The following RARB variants were observed in gnomAD, a reference collection of about 807,000 sequenced individuals.
RARB encodes the protein retinoic acid receptor beta, also known as HBV-activated protein.
In RARB, 17 loss-of-function variants were observed where a neutral mutation model predicts 51.9. That is an observed-to-expected ratio of 0.33 (90% confidence interval 0.22 to 0.49). The LOEUF (loss-of-function observed/expected upper bound fraction) is 0.49. RARB is among the 20% of genes least tolerant of loss of function. RARB has a pLI of 0.99. For synonymous variants in RARB, 215 were observed against 195.4 expected (o/e 1.10, Z -0.84); for missense variants, 369 against 550.8 (o/e 0.67, Z 3.30).
chr3:24,899,259 C>T (rs572983965), intron 2 of RARB, among the ~76,000 whole-genome samples: 28 of 152,232 alleles, frequency 1.8e-4, no homozygotes, highest in African/African-American at 6.7e-4. Context: ...ACAGATCACA[C>T]GTACATGAAG....
chr3:25,151,292 C>CTTTG (rs151282179), intron 4 of RARB, among the ~76,000 whole-genome samples: 5,300 of 152,282 alleles, frequency 0.035, 302 homozygotes, highest in African/African-American at 0.12. Context: ...TGCTGACTTT[C>CTTTG]TTTGCATTTC....
chr3:25,083,104 G>A lies in RARB; in HGVS notation c.-328+22928G>A, dbSNP rs544918937. Among the ~76,000 whole-genome samples, 15 of 149,174 alleles carry A rather than the reference G, an allele frequency of 1.0e-4. No homozygotes were observed. In the South Asian group the frequency reaches 2.3e-3, roughly 23 times the overall value. ...CTGCTTTTAGACTTTTTATCTTTTA[G>A]CATTTTAAATATTATATCATTAGGT... On this transcript the variant is annotated intron_variant, in intron 3 of 11. Coordinates refer to the RARB transcript ENST00000383772.
At chr3:25,162,088 A>G (rs1700482358) in intron 4 of RARB, among the ~76,000 whole-genome samples, 1 of 152,114 alleles carries the variant, frequency 6.6e-6, no homozygotes, top group Non-Finnish European at 1.5e-5. Flanking sequence ...GTGTATGTAT[A>G]TATGTGCCTA....
At chr3:25,378,668 C>G (rs929451188) in intron 5 of RARB, among the ~76,000 whole-genome samples, 1 of 152,106 alleles carries the variant, frequency 6.6e-6, no homozygotes, top group South Asian at 2.1e-4. Flanking sequence ...ACCCACTACA[C>G]CAATTTATCC....
chr3:25,569,449 C>T (rs1458053782), intron 3 of RARB, among the ~76,000 whole-genome samples: 1 of 152,206 alleles, frequency 6.6e-6, no homozygotes, highest in African/African-American at 2.4e-5. Context: ...CTTCTCTCTT[C>T]AAGAGATCCA....
intron 1 of RARB, among the ~76,000 whole-genome samples, chr3:24,839,137 T>C (rs1196139904): frequency 1.3e-5 from 2 of 152,082 alleles, no homozygotes; most frequent in Non-Finnish European, 2.9e-5. Flanking sequence ...AAGATACTAA[T>C]TTACTCCAAT....
Position 25,350,722 on chromosome 3 carries a change from C to T in RARB, c.179-110471C>T, listed in dbSNP as rs578192114. 8.6e-4 allele frequency among the ~76,000 whole-genome samples: 131 copies of T among 152,312 alleles called. 1 individual carries two copies. Among genetic ancestry groups the T allele is most frequent in the African/African-American group, 3.0e-3 (125 of 41,570 alleles). ...GAAAGCTCCTCATAAATATTTATTG[C>T]ATGAATGATTATATAAATTTCATAA... On this transcript the variant is annotated intron_variant, in intron 5 of 11. Coordinates refer to the RARB transcript ENST00000383772.
At chr3:24,859,470 TAAAC>T (rs1016882568) in intron 2 of RARB, among the ~76,000 whole-genome samples, 2 of 152,216 alleles carry the variant, frequency 1.3e-5, no homozygotes, top group Admixed American at 6.5e-5. Flanking sequence ...ACCTGGAAGT[TAAAC>T]AGACTCTTCT....
intron 3 of RARB, among the ~76,000 whole-genome samples, chr3:25,569,318 C>G (rs1700620409): frequency 6.6e-6 from 1 of 152,176 alleles, no homozygotes; most frequent in Admixed American, 6.5e-5. Context: ...AGCAAAGACA[C>G]CAAAATGTGT....
At chr3:25,315,350 T>C (rs968177785) in intron 5 of RARB, among the ~76,000 whole-genome samples, 1 of 152,184 alleles carries the variant, frequency 6.6e-6, no homozygotes, top group Non-Finnish European at 1.5e-5. Context: ...AAAGCACTCG[T>C]AACTATTTAA....
intron 3 of RARB, among the ~76,000 whole-genome samples, chr3:25,513,115 TAAAAAAAA>T (rs11420573): frequency 3.0e-5 from 3 of 98,506 alleles, no homozygotes; most frequent in Non-Finnish European, 6.3e-5. Context: ...CTGTCTTTAC[TAAAAAAAA>T]AAAAAAAAAA....
intron 2 of RARB, among the ~76,000 whole-genome samples, chr3:24,920,810 T>A (rs1400255340): frequency 1.3e-5 from 2 of 152,216 alleles, no homozygotes; most frequent in African/African-American, 4.8e-5. Context: ...TCTCTCACTT[T>A]GTCAATCTAC....
intron 4 of RARB, among the ~76,000 whole-genome samples, chr3:25,145,741 G>T (rs1032637127): frequency 6.6e-6 from 1 of 152,002 alleles, no homozygotes; most frequent in Non-Finnish European, 1.5e-5. Flanking sequence ...AGGCATGGTG[G>T]CCCACACCTT....
At chr3:24,977,622 G>T (rs1462550533) in intron 2 of RARB, among the ~76,000 whole-genome samples, 1 of 152,186 alleles carries the variant, frequency 6.6e-6, no homozygotes, top group African/African-American at 2.4e-5. Context: ...TGTATCCTGA[G>T]ATTTTGCTTA....
At chr3:25,273,425 C>T (rs920638906) in intron 5 of RARB, among the ~76,000 whole-genome samples, 16 of 152,212 alleles carry the variant, frequency 1.1e-4, no homozygotes, top group African/African-American at 3.4e-4. Context: ...CATTCTAATC[C>T]GGTTATGACG....
At chr3:24,989,028 G>A (rs952341464) in intron 2 of RARB, among the ~76,000 whole-genome samples, 14 of 151,900 alleles carry the variant, frequency 9.2e-5, no homozygotes, top group Non-Finnish European at 1.5e-4. Context: ...GTTTCACCAC[G>A]TTGGCCAGGC....
intron 5 of RARB, among the ~76,000 whole-genome samples, chr3:25,303,335 C>T (rs1421651505): frequency 6.6e-6 from 1 of 152,196 alleles, no homozygotes; most frequent in Non-Finnish European, 1.5e-5. Flanking sequence ...GTGCTTTTAA[C>T]AGTGAACTCC....
At chr3:25,140,740 C>T (rs1179458514) in intron 4 of RARB, among the ~76,000 whole-genome samples, 1 of 152,080 alleles carries the variant, frequency 6.6e-6, no homozygotes, top group African/African-American at 2.4e-5. Context: ...ACAGAGAAAT[C>T]TTTTGAGAAA....
At chr3:25,151,408 C>T (rs1373409916) in intron 4 of RARB, among the ~76,000 whole-genome samples, 1 of 152,184 alleles carries the variant, frequency 6.6e-6, no homozygotes, top group Non-Finnish European at 1.5e-5. Flanking sequence ...TACCCCAGGG[C>T]AGGGAAAGAC....
Sources: gnomAD v4.1 joint callset for allele counts (sites outside exome capture counted in the v4.1 genomes callset) on GRCh38, gnomAD v4.1.1 for gene constraint, MANE v1.5 for transcripts, NCBI Gene and HGNC (gene_info 2026-07-23, HGNC 2026-07-21) for gene names.